The following RFTN1 variants were observed in gnomAD, a reference collection of about 807,000 sequenced individuals.
RFTN1 encodes raftlin, lipid raft linker 1, also known as raftlin.
RFTN1 carries 26 observed loss-of-function variants against 46.5 expected under a neutral mutation model. That is an observed-to-expected ratio of 0.56 (90% CI 0.41 to 0.78). The LOEUF (loss-of-function observed/expected upper bound fraction) is 0.78, where lower values mean the gene tolerates loss of function less well. Among genes scored for constraint, RFTN1 ranks in the 30% least tolerant of loss-of-function variants. RFTN1 has a pLI of 0.00. For missense variants in RFTN1, 693 were observed against 718.7 expected, an observed-to-expected ratio of 0.96 and a Z score of 0.41; for synonymous variants, 261 against 284.2, an observed-to-expected ratio of 0.92 and a Z score of 0.82.
chr3:16,350,149 C>T (rs2071993609), intron 7 of RFTN1: 1 of 152,242 alleles, frequency 6.6e-6, no homozygotes, highest in Non-Finnish European at 1.5e-5. Flanking sequence ...AATTCTGCAA[C>T]TTAATTTTCT....
rs77727724 is a variant in RFTN1 at position 16,468,938 on chromosome 3, C to T, written c.145+24787G>A. Among the ~76,000 whole-genome samples, 748 of 152,378 alleles carry T rather than the reference C, an allele frequency of 4.9e-3. 5 individuals are homozygous for T. The highest frequency in any genetic ancestry group is 0.016 in the African/African-American group (649 of 41,588). On this transcript the variant is annotated intron_variant, in intron 2 of 9. Coordinates refer to ENST00000334133, the MANE Select transcript of RFTN1 (RefSeq NM_015150.2). This position sits in a 1 kb window ranked among gnomAD's most constrained non-coding sequence, Gnocchi z 4.4. ...CAGCCATTTCTTCACTGCCAAAAGG[C>T]CAATCCATTCCCCCCATCACTCAGC...
intron 2 of RFTN1, chr3:16,472,587 T>C (rs1420493646): frequency 6.6e-6 from 1 of 152,216 alleles, no homozygotes; most frequent in Non-Finnish European, 1.5e-5. Context: ...CCAGGAGGCA[T>C]TGATGAGAAC....
chr3:16,343,148 A>G (rs1459844265), intron 7 of RFTN1, among the ~76,000 whole-genome samples: 2 of 152,176 alleles, frequency 1.3e-5, no homozygotes, highest in African/African-American at 4.8e-5. Context: ...CCAGAATGTG[A>G]ATTTTTAATA....
In RFTN1 at chr3:16,450,664, A is replaced by G. The variant is rs961706416; in HGVS notation, c.146-16627T>C. Among the ~76,000 whole-genome samples, 12 of 152,242 alleles carry G rather than the reference A, an allele frequency of 7.9e-5. No homozygotes were observed. The highest frequency in any genetic ancestry group is 2.6e-4 in the Admixed American group (4 of 15,282). The stretch of plus-strand genomic sequence containing the variant: ...GGCACCCCAAACCAGGATTAAAACA[A>G]TAAGTTTAACAAATGCTATAAAACT... On this transcript the variant is annotated intron_variant, in intron 2 of 9. Transcript: ENST00000334133. The surrounding 1 kb of genome is among the most constrained non-coding windows in gnomAD (Gnocchi z 4.6).
chr3:16,400,764 T>C lies in RFTN1; in HGVS notation c.441+8611A>G, dbSNP rs935547805. ...CAGGAAGATCACAGGCTAATAAAAA[T>C]AGCAAGAGGACAGAGGATCAAGAGA... is the stretch of plus-strand genomic sequence containing the variant. On this transcript the variant is annotated intron_variant, in intron 4 of 9. Coordinates refer to ENST00000334133, the MANE Select transcript of RFTN1 (RefSeq NM_015150.2). The surrounding 1 kb of genome is among the most constrained non-coding windows in gnomAD (Gnocchi z 4.5). Among the ~76,000 whole-genome samples the C allele has an allele frequency of 6.6e-6, 1 of 151,996 alleles. No homozygotes were observed. Among genetic ancestry groups the C allele is most frequent in the African/African-American group, 2.4e-5 (1 of 41,390 alleles).
rs529950749 is a variant in RFTN1 at position 16,412,150 on chromosome 3, A to T, written c.333-2667T>A. ...AAATTTTTTAGATGAACCATGGAAA[A>T]TTACATCTCAGCCTATGGTTTCTTG... On this transcript the variant is annotated intron_variant, in intron 3 of 9. Coordinates refer to ENST00000334133, the MANE Select transcript of RFTN1 (RefSeq NM_015150.2). Among the ~76,000 whole-genome samples the T allele has an allele frequency of 3.9e-5, 6 of 152,362 alleles. No homozygotes were observed. The South Asian group carries it at 1.2e-3, about 32-fold the overall frequency.
chr3:16,407,003 C>T lies in RFTN1; in HGVS notation c.441+2372G>A, dbSNP rs187680101. The stretch of plus-strand genomic sequence containing the variant: ...GTCCTTCAGGGCATAAAAACCCTAA[C>T]TTTGAGGGCCTTTCCCACTGGACAG... On this transcript the variant is annotated intron_variant, in intron 4 of 9. Transcript: ENST00000334133. The surrounding 1 kb of genome is among the most constrained non-coding windows in gnomAD (Gnocchi z 4.0). 3.5e-4 allele frequency among the ~76,000 whole-genome samples: 54 copies of T among 152,278 alleles called. 2 individuals carry two copies. The East Asian group carries it at 0.01, about 29-fold the overall frequency.
At chr3:16,464,285 G>A (rs1184365490) in intron 2 of RFTN1, among the ~76,000 whole-genome samples, 1 of 152,008 alleles carries the variant, frequency 6.6e-6, no homozygotes, top group African/African-American at 2.4e-5. Context: ...CCATTATTTT[G>A]TCAGCACTCA....
rs1013548533 is a variant in RFTN1, at chr3:16,500,005, A to G, written c.-8-6128T>C. On this transcript the variant is annotated intron_variant, in intron 1 of 9. Coordinates refer to ENST00000334133, the MANE Select transcript of RFTN1 (RefSeq NM_015150.2). This position sits in a 1 kb window ranked among gnomAD's most constrained non-coding sequence, Gnocchi z 5.9. ...CTGCCGCCATGAAAAGTGTATGGAA[A>G]GTGAGATCTCTCAAAGATCAGCTAG... Among the ~76,000 whole-genome samples, 4 of 152,254 alleles carry G rather than the reference A, an allele frequency of 2.6e-5. No homozygotes were observed. The highest frequency in any genetic ancestry group is 9.6e-5 in the African/African-American group (4 of 41,466).
intron 7 of RFTN1, among the ~76,000 whole-genome samples, chr3:16,357,385 C>A (rs1243393546): frequency 6.6e-6 from 1 of 152,198 alleles, no homozygotes; most frequent in Non-Finnish European, 1.5e-5. Flanking sequence ...CATGAGTCAA[C>A]ATTTCTCAAA....
At chr3:16,432,514 T>A (rs1444554412) in intron 3 of RFTN1, among the ~76,000 whole-genome samples, 3 of 151,404 alleles carry the variant, frequency 2.0e-5, no homozygotes, top group Admixed American at 6.6e-5. Flanking sequence ...TGAGACCCCA[T>A]CTCAAGGAAA....
intron 5 of RFTN1, among the ~76,000 whole-genome samples, chr3:16,373,754 C>T (rs994801068): frequency 6.6e-6 from 1 of 152,182 alleles, no homozygotes; most frequent in African/African-American, 2.4e-5. Flanking sequence ...AAGTGGGCAT[C>T]ACACTTGGCT....
Position 16,387,613 on chromosome 3 carries a change from C to G in RFTN1, c.442-9511G>C, listed in dbSNP as rs1404752279. Among the ~76,000 whole-genome samples the G allele has an allele frequency of 2.9e-5, 2 of 69,094 alleles. No homozygotes were observed. Among genetic ancestry groups the G allele is most frequent in the Non-Finnish European group, 5.8e-5 (2 of 34,364 alleles). 45.3% of individuals were successfully genotyped at this position (69,094 alleles called of 152,430 possible). ...CTCTCTCTCTCTCTCTCTCTCTCTA[C>G]TGGCTCCTTCCACTCAGCATACAAC... On this transcript the variant is annotated intron_variant, in intron 4 of 9. Coordinates refer to ENST00000334133, the MANE Select transcript of RFTN1 (RefSeq NM_015150.2). This position sits in a 1 kb window ranked among gnomAD's most constrained non-coding sequence, Gnocchi z 5.2.
At chr3:16,461,686 A>G (rs992480123) in intron 2 of RFTN1, among the ~76,000 whole-genome samples, 1 of 152,230 alleles carries the variant, frequency 6.6e-6, no homozygotes, top group Non-Finnish European at 1.5e-5. Context: ...AACCCCATTT[A>G]CCTCAATTAT....
In RFTN1 at chr3:16,329,392, AG is replaced by A. The variant is rs1032214103; in HGVS notation, c.1147-2517del. Among the ~76,000 whole-genome samples the A allele has an allele frequency of 2.0e-5, 3 of 152,080 alleles. No homozygotes were observed. Among genetic ancestry groups the A allele is most frequent in the African/African-American group, 7.2e-5 (3 of 41,412 alleles). On this transcript the variant is annotated intron_variant, in intron 7 of 9. Transcript: ENST00000334133. The surrounding 1 kb of genome is among the most constrained non-coding windows in gnomAD (Gnocchi z 4.5). ...TTAATAAAGGAAGGCGGAAGGGAGG[AG>A]GGAAGGGAGGAAAGGAGAGAGAGGT...
At chr3:16,502,867 G>T (rs2076736334) in intron 1 of RFTN1, among the ~76,000 whole-genome samples, 1 of 152,172 alleles carries the variant, frequency 6.6e-6, no homozygotes, top group African/African-American at 2.4e-5. Flanking sequence ...CATGTTTGTT[G>T]TTTTAAGCCT....
At chr3:16,445,481 T>TCACACACACA (rs752631378) in intron 2 of RFTN1, among the ~76,000 whole-genome samples, 142 of 55,024 alleles carry the variant, frequency 2.6e-3, no homozygotes, top group African/African-American at 9.7e-3. Flanking sequence ...TCTCTCTCTC[T>TCACACACACA]CTCACACACA....
intron 4 of RFTN1, among the ~76,000 whole-genome samples, chr3:16,401,049 T>C (rs2074588112): frequency 1.3e-5 from 2 of 152,118 alleles, no homozygotes; most frequent in Admixed American, 6.5e-5. Flanking sequence ...TGGTGGCTCA[T>C]GCCTGGAATC....
At position 16,452,790 on chromosome 3, in the gene RFTN1, A is replaced by C. The variant is rs1181305930; in HGVS notation, c.146-18753T>G. On this transcript the variant is annotated intron_variant, in intron 2 of 9. Transcript: ENST00000334133. The surrounding 1 kb of genome is among the most constrained non-coding windows in gnomAD (Gnocchi z 6.3). ...AATGCAACCAAGTCAGGCCGAAGACAGTCAACTGTTATGTGACAATATCAC... is the reference window on the plus strand; with the variant it reads ...AATGCAACCAAGTCAGGCCGAAGACCGTCAACTGTTATGTGACAATATCAC... Among the ~76,000 whole-genome samples, 2 of 152,228 alleles carry C rather than the reference A, an allele frequency of 1.3e-5. No homozygotes were observed. Among genetic ancestry groups the C allele is most frequent in the Non-Finnish European group, 2.9e-5 (2 of 68,046 alleles).
Sources: gnomAD v4.1 joint callset for allele counts (sites outside exome capture counted in the v4.1 genomes callset) on GRCh38, gnomAD v4.1.1 for gene constraint, Gnocchi (gnomAD v3.1) non-coding constraint, MANE v1.5 for transcripts, NCBI Gene and HGNC (gene_info 2026-07-23, HGNC 2026-07-21) for gene names.